The following ANXA11 variants were observed in gnomAD, a reference collection of about 807,000 sequenced individuals.
The protein encoded by ANXA11 is annexin A11.
Under a neutral mutation model 64.7 loss-of-function variants are expected in ANXA11, and 57 were observed. That is an observed-to-expected ratio of 0.88 (90% CI 0.71 to 1.10). ANXA11 has a LOEUF of 1.10. ANXA11 is among the 50% of genes least tolerant of loss of function. The probability of loss-of-function intolerance (pLI) is 0.00; values close to 1 mark genes in which losing one functional copy is unlikely to be tolerated. For missense variants in ANXA11, 675 were observed against 670.7 expected (o/e 1.01, Z -0.07); for synonymous variants, 260 against 265.2 (o/e 0.98, Z 0.19).
At chr10:80,164,662 G>A (rs904928081) in intron 8 of ANXA11, among the ~76,000 whole-genome samples, 1 of 152,216 alleles carries the variant, frequency 6.6e-6, no homozygotes, top group African/African-American at 2.4e-5. Context: ...GACCATAGAG[G>A]ACAGGCTGGG....
intron 1 of ANXA11, among the ~76,000 whole-genome samples, chr10:80,182,597 A>G (rs1284850257): frequency 6.6e-6 from 1 of 152,178 alleles, no homozygotes; most frequent in Non-Finnish European, 1.5e-5. Flanking sequence ...ACATAGTTAT[A>G]CATGTGCCAT....
chr10:80,171,619 G>A, intron 3 of ANXA11: 1 of 985,350 alleles, frequency 1.0e-6, no homozygotes, highest in Non-Finnish European at 1.2e-6. Context: ...ACACCTGCAG[G>A]GCTCAGCTGG....
At chr10:80,183,604 CA>C (rs1394428337) in intron 1 of ANXA11, among the ~76,000 whole-genome samples, 1 of 152,228 alleles carries the variant, frequency 6.6e-6, no homozygotes, top group Non-Finnish European at 1.5e-5. Flanking sequence ...CAGCTGACGA[CA>C]AAACCTGACA....
intron 3 of ANXA11, 91 bp from the exon 4 acceptor site, chr10:80,171,006 G>T: frequency 6.6e-7 from 1 of 1,518,524 alleles, no homozygotes. Flanking sequence ...GTCAGAAAGG[G>T]AGGCCCAGTA....
intron 1 of ANXA11, among the ~76,000 whole-genome samples, chr10:80,200,424 A>G (rs34507529): frequency 0.064 from 9,724 of 152,316 alleles, 408 homozygotes; most frequent in Non-Finnish European, 0.098. Flanking sequence ...GGAATTTAAG[A>G]CCAAAGACCA....
intron 12 of ANXA11, 42 bp from the exon 13 acceptor site, chr10:80,159,237 T>C (rs760129121): frequency 6.5e-7 from 1 of 1,540,364 alleles, no homozygotes; most frequent in African/African-American, 1.4e-5. Flanking sequence ...CTGAAATGTG[T>C]CTCCCCAAAG....
intron 8 of ANXA11, 73 bp from the exon 9 acceptor site, chr10:80,164,216 G>C: frequency 8.2e-7 from 1 of 1,212,844 alleles, no homozygotes; most frequent in Non-Finnish European, 1.2e-6. Flanking sequence ...AAGAAGGGTG[G>C]GGGCTACGCT....
chr10:80,162,831 T>C (rs183966249), intron 11 of ANXA11, among the ~76,000 whole-genome samples: 29 of 152,252 alleles, frequency 1.9e-4, no homozygotes, highest in Admixed American at 5.2e-4. Context: ...ACGGTTGAAA[T>C]TCATTAGTGG....
chr10:80,174,369 T>G (rs1564614906), intron 2 of ANXA11, among the ~76,000 whole-genome samples: 2 of 151,576 alleles, frequency 1.3e-5, no homozygotes, highest in Non-Finnish European at 2.9e-5. Flanking sequence ...CTCTGCCTCC[T>G]GGGTTCAAGT....
intron 13 of ANXA11, 46 bp downstream of exon 13, chr10:80,159,054 T>C: frequency 2.1e-6 from 3 of 1,441,738 alleles, no homozygotes; most frequent in Non-Finnish European, 2.0e-6. Flanking sequence ...ACACTCACGA[T>C]ACACGTTAGC....
chr10:80,177,261 T>C (rs1846204822), intron 1 of ANXA11, among the ~76,000 whole-genome samples: 1 of 152,144 alleles, frequency 6.6e-6, no homozygotes, highest in African/African-American at 2.4e-5. Flanking sequence ...AGTTCTGGGA[T>C]TACATGCCTG....
chr10:80,196,819 G>A (rs1302553857), intron 1 of ANXA11, among the ~76,000 whole-genome samples: 2 of 152,228 alleles, frequency 1.3e-5, no homozygotes, highest in African/African-American at 4.8e-5. Context: ...TGTAGCGTAT[G>A]TTAATCATTA....
intron 14 of ANXA11, 53 bp downstream of exon 14, chr10:80,157,914 A>G: frequency 6.2e-7 from 1 of 1,604,512 alleles, no homozygotes. Context: ...CCTTGGTCCC[A>G]GGCACAGGCG....
At chr10:80,200,958 G>C (rs1840393816) in intron 1 of ANXA11, among the ~76,000 whole-genome samples, 1 of 152,170 alleles carries the variant, frequency 6.6e-6, no homozygotes, top group Non-Finnish European at 1.5e-5. Flanking sequence ...GCCGTGGGGA[G>C]GGATGTCAGT....
intron 15 of ANXA11, chr10:80,157,365 G>A (rs758005550): frequency 2.2e-5 from 22 of 985,328 alleles, no homozygotes; most frequent in African/African-American, 7.0e-5. Flanking sequence ...CACGGTGATC[G>A]GAACGCTGAA....
chr10:80,166,896 G>GT lies in ANXA11; in HGVS notation c.737dup (p.Tyr246Ter), dbSNP rs1564607570. ...CCCCCACCCCGCAGCTCGCCTTGCC[G>GT]TAAGCCGTCTTGAAGGAAAGTAGGA... ...QQILLSFKTA[Y>*]GKDLIKDLKS... The change falls in exon 7 of 16, where the codon TAC becomes TAAC. Residue 246 changes from tyrosine (Y) to a stop codon, truncating the protein, a stop_gained and frameshift_variant. Coordinates refer to ENST00000422982, the MANE Select transcript of ANXA11 (RefSeq NM_145868.2). LOFTEE classifies it high-confidence loss of function. 6.2e-7 allele frequency: 1 copy of GT among 1,605,020 alleles called. No homozygotes were observed. Among genetic ancestry groups the GT allele is most frequent in the Admixed American group, 1.7e-5 (1 of 59,248 alleles).
chr10:80,151,067 T>C lies in ANXA11; in HGVS notation c.*4786A>G, dbSNP rs557093534. ...GACCACATTAAAGTTTTAGAAGCTC[T>C]CCTCTAGTCTACCCTTCATTTTAAA... On this transcript the variant is annotated 3_prime_UTR_variant, in exon 16 of 16. Transcript: ENST00000422982. 6.6e-6 allele frequency: 1 copy of C among 152,318 alleles called. No homozygotes were observed. Among genetic ancestry groups the C allele is most frequent in the Admixed American group, 6.5e-5 (1 of 15,306 alleles). The allele number at this position is 152,318 out of a possible 1,614,324, so 9.4% of individuals were successfully genotyped here.
In ANXA11 at chr10:80,174,672, A is replaced by C. The variant is rs1381996083; in HGVS notation, c.-9+1435T>G. 2.0e-5 allele frequency among the ~76,000 whole-genome samples: 3 copies of C among 152,078 alleles called. 1 individual carries two copies. Among genetic ancestry groups the C allele is most frequent in the Non-Finnish European group, 4.4e-5 (3 of 68,032 alleles). ...CTGTAACCTCCGCCTCCTGGGATCA[A>C]GGGATTCTTGTGCCTCAGCCTCCAA... On this transcript the variant is annotated intron_variant, in intron 2 of 15. Transcript: ENST00000422982.
At chr10:80,195,970 CCAAACCA>C (rs1840143585) in intron 1 of ANXA11, 1 of 152,274 alleles carries the variant, frequency 6.6e-6, no homozygotes, top group Non-Finnish European at 1.5e-5. Context: ...GGGGACACAG[CCAAACCA>C]TACCATATCT....
Sources: gnomAD v4.1 joint callset for allele counts (sites outside exome capture counted in the v4.1 genomes callset) on GRCh38, gnomAD v4.1.1 for gene constraint, MANE v1.5 for transcripts, NCBI Gene and HGNC (gene_info 2026-07-23, HGNC 2026-07-21) for gene names.